FARS2: variants seen among roughly 807,000 people sequenced by gnomAD.
FARS2 encodes phenylalanyl-tRNA synthetase 2, mitochondrial, also known as phenylalanine--tRNA ligase, mitochondrial.
A neutral mutation model predicts 46.4 loss-of-function variants in FARS2; 40 were observed. The ratio of observed to expected loss-of-function variants is 0.86; its 90% CI spans 0.67 to 1.12. FARS2 has a LOEUF of 1.12. Among genes scored for constraint, FARS2 ranks in the 50% most tolerant of loss-of-function variants. The pLI, the probability that FARS2 is intolerant of heterozygous loss-of-function variation, is 0.00. For synonymous variants in FARS2, 234 were observed against 214.9 expected (o/e 1.09, Z -0.78); for missense variants, 513 against 567.9 (o/e 0.90, Z 0.98).
chr6:5,763,346 G>A (rs1762587547), intron 6 of FARS2, among the ~76,000 whole-genome samples: 1 of 152,192 alleles, frequency 6.6e-6, no homozygotes, highest in Non-Finnish European at 1.5e-5. Flanking sequence ...CAGCTTTTCA[G>A]GAGGCTGAGG....
intron 3 of FARS2, among the ~76,000 whole-genome samples, chr6:5,414,896 A>G (rs1452014696): frequency 6.8e-6 from 1 of 147,336 alleles, no homozygotes; most frequent in African/African-American, 2.5e-5. Flanking sequence ...GCTCACTGCA[A>G]CCTCCGTCTC....
At chr6:5,717,623 GT>G (rs1261899986) in intron 6 of FARS2, among the ~76,000 whole-genome samples, 2 of 152,010 alleles carry the variant, frequency 1.3e-5, no homozygotes, top group African/African-American at 4.8e-5. Context: ...TACTTCATGA[GT>G]GGTGTATCTA....
Position 5,771,013 on chromosome 6 carries a change from G to A in FARS2, c.1218-278G>A, listed in dbSNP as rs189686215. Among the ~76,000 whole-genome samples the A allele has an allele frequency of 1.1e-4, 17 of 152,286 alleles. No homozygotes were observed. In the Middle Eastern group the frequency reaches 0.01, roughly 91 times the overall value. On this transcript the variant is annotated intron_variant, in intron 6 of 6. Coordinates refer to ENST00000274680, the MANE Select transcript of FARS2 (RefSeq NM_006567.5). ...CCTGCTGAATCCAAATCTCCAGAGCGTGGCCTGGGAAATCAAATTTGTCAG... is the reference window on the plus strand; with the variant it reads ...CCTGCTGAATCCAAATCTCCAGAGCATGGCCTGGGAAATCAAATTTGTCAG...
intron 4 of FARS2, chr6:5,467,061 A>G (rs1280927831): frequency 1.0e-6 from 1 of 985,120 alleles, no homozygotes; most frequent in Non-Finnish European, 1.2e-6. Flanking sequence ...ACCAGCAGTG[A>G]ATTATTCTGT....
intron 6 of FARS2, among the ~76,000 whole-genome samples, chr6:5,674,193 T>TAA (rs71540878): frequency 0.26 from 19,848 of 76,054 alleles, 3,055 homozygotes; most frequent in East Asian, 0.58. Context: ...GCATTCTCAT[T>TAA]AAAAAAAAAA....
intron 4 of FARS2, among the ~76,000 whole-genome samples, chr6:5,508,959 A>G (rs983857747): frequency 6.6e-6 from 1 of 152,252 alleles, no homozygotes; most frequent in Non-Finnish European, 1.5e-5. Context: ...AGGACCAAAT[A>G]GTAAACATTT....
At chr6:5,459,394 T>C (rs1765103394) in intron 4 of FARS2, among the ~76,000 whole-genome samples, 1 of 151,530 alleles carries the variant, frequency 6.6e-6, no homozygotes, top group Non-Finnish European at 1.5e-5. Flanking sequence ...TTTTTGACCC[T>C]AGTATACTGG....
At chr6:5,562,695 T>TACACACACAC (rs35980009) in intron 5 of FARS2, among the ~76,000 whole-genome samples, 11,461 of 135,592 alleles carry the variant, frequency 0.085, 551 homozygotes, top group East Asian at 0.21. Flanking sequence ...CTGTAATTTA[T>TACACACACAC]ACACACACAC....
At chr6:5,642,707 T>C (rs1776884354) in intron 6 of FARS2, among the ~76,000 whole-genome samples, 1 of 152,186 alleles carries the variant, frequency 6.6e-6, no homozygotes, top group South Asian at 2.1e-4. Context: ...CAGTATTCGA[T>C]AAGAGAATGA....
At position 5,727,833 on chromosome 6, in the gene FARS2, A is replaced by G. The variant is rs180759194; in HGVS notation, c.1218-43458A>G. ...ATGTGTCCCCAGCACTTGGATATGT[A>G]ATGCGAGGGATACCAACAGACTGAT... On this transcript the variant is annotated intron_variant, in intron 6 of 6. Transcript: ENST00000274680. This position sits in a 1 kb window ranked among gnomAD's most constrained non-coding sequence, Gnocchi z 4.1. Among the ~76,000 whole-genome samples the G allele has an allele frequency of 3.3e-5, 5 of 152,290 alleles. No homozygotes were observed. The highest frequency in any genetic ancestry group is 7.4e-5 in the Non-Finnish European group (5 of 68,018).
intron 4 of FARS2, among the ~76,000 whole-genome samples, chr6:5,448,450 A>G (rs1764297485): frequency 1.4e-5 from 2 of 144,534 alleles, no homozygotes; most frequent in African/African-American, 2.5e-5. Context: ...CTTAAAAACC[A>G]AAGCAGCACA....
chr6:5,569,441 A>G (rs1467207832), intron 5 of FARS2, among the ~76,000 whole-genome samples: 1 of 151,940 alleles, frequency 6.6e-6, no homozygotes, highest in African/African-American at 2.4e-5. Flanking sequence ...GTTTCGCCAC[A>G]TTGTCCATGC....
Position 5,398,562 on chromosome 6 carries a change from ACT to A in FARS2, c.613-5977_613-5976del, listed in dbSNP as rs1761040917. 1.3e-5 allele frequency among the ~76,000 whole-genome samples: 2 copies of A among 151,764 alleles called. 1 individual carries two copies. The highest frequency in any genetic ancestry group is 4.2e-4 in the South Asian group (2 of 4,804). On this transcript the variant is annotated intron_variant, in intron 2 of 6. Coordinates refer to ENST00000274680, the MANE Select transcript of FARS2 (RefSeq NM_006567.5). ...CTGGAATCAGTCATTTCTTTAAGAA[ACT>A]CTGTTCCTTTTTTATTAAAGAATGG... is the stretch of plus-strand genomic sequence containing the variant.
intron 4 of FARS2, among the ~76,000 whole-genome samples, chr6:5,464,019 G>T (rs1247249178): frequency 1.3e-5 from 2 of 152,202 alleles, no homozygotes; most frequent in East Asian, 3.8e-4. Flanking sequence ...GGCAGGTGCT[G>T]TGGAGTAAAC....
intron 5 of FARS2, among the ~76,000 whole-genome samples, chr6:5,575,646 C>T (rs906307844): frequency 4.6e-5 from 7 of 152,116 alleles, no homozygotes; most frequent in African/African-American, 1.7e-4. Context: ...CTTCCTGGTC[C>T]AGGATTCAAT....
intron 4 of FARS2, among the ~76,000 whole-genome samples, chr6:5,498,378 C>A (rs6916196): frequency 6.6e-6 from 1 of 152,048 alleles, no homozygotes; most frequent in South Asian, 2.1e-4. Context: ...AGAGCATCAG[C>A]GGGGAAAGGA....
chr6:5,415,517 A>T (rs1054696021), intron 3 of FARS2, among the ~76,000 whole-genome samples: 2 of 151,328 alleles, frequency 1.3e-5, no homozygotes, highest in African/African-American at 2.4e-5. Flanking sequence ...GAGTTTCGCT[A>T]TGTTAGCTAG....
chr6:5,440,533 T>C (rs191568355), intron 4 of FARS2, among the ~76,000 whole-genome samples: 1 of 152,334 alleles, frequency 6.6e-6, no homozygotes, highest in East Asian at 1.9e-4. Flanking sequence ...TTTTCCTCCC[T>C]AGGTTTATGA....
chr6:5,359,427 C>G (rs1340699718), intron 1 of FARS2, among the ~76,000 whole-genome samples: 1 of 152,166 alleles, frequency 6.6e-6, no homozygotes, highest in Non-Finnish European at 1.5e-5. Context: ...CTTTTCCCCC[C>G]ATTAGACTTA....
Sources: allele counts gnomAD v4.1 joint callset (sites outside exome capture counted in the v4.1 genomes callset), GRCh38; gene constraint gnomAD v4.1.1; non-coding constraint Gnocchi (gnomAD v3.1); transcripts MANE v1.5; gene names NCBI Gene and HGNC (gene_info 2026-07-23, HGNC 2026-07-21).